The following EYA4 variants were observed in gnomAD, a reference collection of about 807,000 sequenced individuals.
EYA4 encodes protein phosphatase EYA4.
A neutral mutation model predicts 87.9 loss-of-function variants in EYA4; 31 were observed. That is an observed-to-expected ratio of 0.35 (90% CI 0.27 to 0.48). The LOEUF (loss-of-function observed/expected upper bound fraction) is 0.48, where lower values mean the gene tolerates loss of function less well. Ranked by LOEUF, EYA4 falls within the 20% of genes least tolerant of loss-of-function variation. The pLI is 0.99. For synonymous variants in EYA4, 263 were observed against 270.6 expected (o/e 0.97, Z 0.28); for missense variants, 678 against 761.4 (o/e 0.89, Z 1.29).
At chr6:133,414,147 AC>A (rs1350693844) in intron 3 of EYA4, among the ~76,000 whole-genome samples, 2 of 151,780 alleles carry the variant, frequency 1.3e-5, no homozygotes, top group Middle Eastern at 3.2e-3. Context: ...GACATGTAAG[AC>A]CCCCATGGTG....
intron 2 of EYA4, among the ~76,000 whole-genome samples, chr6:133,297,800 C>A (rs1426501429): frequency 6.6e-6 from 1 of 152,212 alleles, no homozygotes; most frequent in Non-Finnish European, 1.5e-5. Flanking sequence ...TGCTGACATG[C>A]AACGTTGTAA....
At chr6:133,307,099 G>A (rs17062322) in intron 2 of EYA4, among the ~76,000 whole-genome samples, 16,243 of 152,202 alleles carry the variant, frequency 0.11, 962 homozygotes, top group South Asian at 0.14. Flanking sequence ...CAAAGCAAAA[G>A]CTGTTCCAGG....
At chr6:133,369,933 G>C (rs144113089) in intron 2 of EYA4, among the ~76,000 whole-genome samples, 6 of 152,100 alleles carry the variant, frequency 3.9e-5, no homozygotes, top group African/African-American at 1.4e-4. Flanking sequence ...AGGAGCTGCT[G>C]ATGAGGGTGA....
intron 3 of EYA4, among the ~76,000 whole-genome samples, chr6:133,406,973 T>C (rs972634086): frequency 2.6e-5 from 4 of 152,198 alleles, no homozygotes; most frequent in African/African-American, 9.6e-5. Flanking sequence ...TAAGCACTTA[T>C]TTAGCTTTTA....
rs1800991068 is a variant in EYA4, at chr6:133,531,223, A to C, written c.*2418A>C. On this transcript the variant is annotated 3_prime_UTR_variant, in exon 20 of 20. Transcript: ENST00000355286. ...TCTGTGTTCAGAAGAGGCTGCCGGC[A>C]TAAAACCTAAATGCAAGGTTGACGG... 6.5e-7 allele frequency: 1 copy of C among 1,534,534 alleles called. No individual in the cohort carries two copies. The highest frequency in any genetic ancestry group is 8.7e-7 in the Non-Finnish European group (1 of 1,146,416).
intron 5 of EYA4, among the ~76,000 whole-genome samples, chr6:133,448,952 C>T (rs1031662325): frequency 6.6e-6 from 1 of 152,118 alleles, no homozygotes; most frequent in African/African-American, 2.4e-5. Context: ...TTTGCCTGGA[C>T]CTTGCTCTAT....
chr6:133,264,386 C>T (rs934601973), intron 1 of EYA4, among the ~76,000 whole-genome samples: 6 of 152,226 alleles, frequency 3.9e-5, no homozygotes, highest in African/African-American at 9.6e-5. Flanking sequence ...AGACTGCATT[C>T]AGATCTATAT....
At chr6:133,424,666 C>G (rs1790509345) in intron 3 of EYA4, among the ~76,000 whole-genome samples, 1 of 142,278 alleles carries the variant, frequency 7.0e-6, no homozygotes. Context: ...CCTACTTGTC[C>G]CCAGCTCCTG....
Position 133,454,633 on chromosome 6 carries a change from C to T in EYA4, c.278-1923C>T, listed in dbSNP as rs565499983. Among the ~76,000 whole-genome samples the T allele has an allele frequency of 5.3e-5, 8 of 152,148 alleles. No individual in the cohort carries two copies. In the East Asian group the frequency reaches 1.5e-3, roughly 29 times the overall value. ...GTAGGTGTAAAGGACAAGAGAAGTG[C>T]CTGGAATGTATCAAGTTCATTTTAA... On this transcript the variant is annotated intron_variant, in intron 5 of 19. Transcript: ENST00000355286.
chr6:133,384,654 A>G (rs1786539586), intron 3 of EYA4, among the ~76,000 whole-genome samples: 1 of 152,288 alleles, frequency 6.6e-6, no homozygotes, highest in South Asian at 2.1e-4. Flanking sequence ...CTGTGGTACA[A>G]TGGTCAATCT....
At chr6:133,299,714 A>AAAAATAAAATAAAATAAAAT (rs201014987) in intron 2 of EYA4, among the ~76,000 whole-genome samples, 38 of 137,638 alleles carry the variant, frequency 2.8e-4, no homozygotes, top group African/African-American at 1.1e-3. Flanking sequence ...TCTGTCTCAA[A>AAAAATAAAATAAAATAAAAT]AAAATAAAAT....
At chr6:133,392,437 C>G (rs182386309) in intron 3 of EYA4, among the ~76,000 whole-genome samples, 7 of 152,156 alleles carry the variant, frequency 4.6e-5, no homozygotes, top group African/African-American at 1.7e-4. Context: ...TGAGAGCTCA[C>G]CAATGGATTT....
At chr6:133,320,875 A>G (rs12523816) in intron 2 of EYA4, among the ~76,000 whole-genome samples, 38,446 of 152,094 alleles carry the variant, frequency 0.25, 5,714 homozygotes, top group Middle Eastern at 0.35. Context: ...ATGGCCTCCT[A>G]GTATCCTGAA....
intron 1 of EYA4, among the ~76,000 whole-genome samples, chr6:133,264,964 A>G (rs952329683): frequency 6.6e-6 from 1 of 152,140 alleles, no homozygotes; most frequent in African/African-American, 2.4e-5. Flanking sequence ...CTTCTCTACA[A>G]ACTTCTCAAA....
At chr6:133,332,972 T>G (rs1782095719) in intron 2 of EYA4, among the ~76,000 whole-genome samples, 1 of 152,170 alleles carries the variant, frequency 6.6e-6, no homozygotes, top group Admixed American at 6.5e-5. Flanking sequence ...TAGATGTCAC[T>G]TCCACTGAGA....
In EYA4 at chr6:133,512,999, G is replaced by C; in HGVS notation, c.1462G>C (p.Val488Leu). The C allele has an allele frequency of 6.2e-7, 1 of 1,614,088 alleles. No individual in the cohort carries two copies. The change falls in exon 16 of 20, where the codon GTA (valine) becomes CTA (leucine). Residue 488 changes from valine to leucine, a missense_variant. By Grantham distance (32) the Val-to-Leu change is conservative. Coordinates refer to ENST00000355286, the MANE Select transcript of EYA4 (RefSeq NM_004100.5). The stretch of plus-strand genomic sequence containing the variant: ...GAAGTTGGCTTTTCGTTACAGAAGA[G>C]TAAAAGAATTATATAACACCTACAA... The part of the protein sequence containing the change: ...MRKLAFRYRR[V>L]KELYNTYKNN...
At chr6:133,414,642 A>G (rs1789549398) in intron 3 of EYA4, among the ~76,000 whole-genome samples, 1 of 152,130 alleles carries the variant, frequency 6.6e-6, no homozygotes, top group Non-Finnish European at 1.5e-5. Context: ...CATGGCCTGA[A>G]AATTTTCCCC....
chr6:133,281,235 G>C (rs1323466913), intron 2 of EYA4, among the ~76,000 whole-genome samples: 1 of 152,082 alleles, frequency 6.6e-6, no homozygotes, highest in African/African-American at 2.4e-5. Flanking sequence ...CTTTTCAAAG[G>C]ATATCTCCCA....
rs746484385 is a variant in EYA4, at chr6:133,506,092, C to T, written c.1192-14C>T. ...CTGAAATTTTACCTCATTATGTGTA[C>T]ATTTTCTTTACAGGATCCCCCCATG... On this transcript the variant is annotated splice_polypyrimidine_tract_variant and intron_variant, in intron 13 of 19. Coordinates refer to ENST00000355286, the MANE Select transcript of EYA4 (RefSeq NM_004100.5). 18 of 1,525,930 alleles carry T rather than the reference C, an allele frequency of 1.2e-5. No individual in the cohort carries two copies. The highest frequency in any genetic ancestry group is 3.4e-4 in the Middle Eastern group (2 of 5,922). 94.5% of individuals were successfully genotyped at this position (1,525,930 alleles called of 1,614,324 possible).
Sources: allele counts gnomAD v4.1 joint callset (sites outside exome capture counted in the v4.1 genomes callset), GRCh38; gene constraint gnomAD v4.1.1; transcripts MANE v1.5; gene names NCBI Gene and HGNC (gene_info 2026-07-23, HGNC 2026-07-21).